Variants in TRIP12 observed in about 807,000 individuals in gnomAD.
TRIP12 encodes the protein E3 ubiquitin-protein ligase TRIP12.
TRIP12 carries 25 observed loss-of-function variants against 244.2 expected under a neutral mutation model. That is an observed-to-expected ratio of 0.10 (90% confidence interval 0.07 to 0.14). The LOEUF (loss-of-function observed/expected upper bound fraction) is 0.14, where lower values mean the gene tolerates loss of function less well. Ranked by LOEUF, TRIP12 falls within the 10% of genes least tolerant of loss-of-function variation. The pLI, the probability that TRIP12 is intolerant of heterozygous loss-of-function variation, is 1.00. For missense variants in TRIP12, 1,677 were observed against 2,486.4 expected, an observed-to-expected ratio of 0.67 and a Z score of 6.92; for synonymous variants, 905 against 873.1, an observed-to-expected ratio of 1.04 and a Z score of -0.64.
At chr2:229,780,424 T>G (rs1402894899) in intron 34 of TRIP12, among the ~76,000 whole-genome samples, 1 of 152,216 alleles carries the variant, frequency 6.6e-6, no homozygotes, top group Non-Finnish European at 1.5e-5. Context: ...TTGTATCCCA[T>G]TCTCACAGGA....
chr2:229,831,746 C>CA (rs1160004427), intron 6 of TRIP12, among the ~76,000 whole-genome samples: 5 of 151,650 alleles, frequency 3.3e-5, no homozygotes, highest in East Asian at 1.9e-4. Context: ...CCAACAATGA[C>CA]AAAAAAACAG....
chr2:229,850,351 G>T (rs976099129), intron 4 of TRIP12, among the ~76,000 whole-genome samples: 1 of 152,124 alleles, frequency 6.6e-6, no homozygotes, highest in Non-Finnish European at 1.5e-5. Flanking sequence ...TTTCAAAGCG[G>T]TCACATATTG....
intron 1 of TRIP12, among the ~76,000 whole-genome samples, chr2:229,883,491 T>C (rs1440416222): frequency 6.6e-6 from 1 of 152,234 alleles, no homozygotes; most frequent in Non-Finnish European, 1.5e-5. Context: ...GAAGATTCCA[T>C]CTTAACAGAT....
intron 1 of TRIP12, among the ~76,000 whole-genome samples, chr2:229,888,600 G>A (rs1282360127): frequency 2.0e-5 from 3 of 151,912 alleles, no homozygotes; most frequent in Non-Finnish European, 2.9e-5. Context: ...TTAGAAAATG[G>A]CGAGAGCAGC....
At chr2:229,777,121 T>C (rs1446269111) in intron 37 of TRIP12, among the ~76,000 whole-genome samples, 194 bp downstream of exon 37, 1 of 152,224 alleles carries the variant, frequency 6.6e-6, no homozygotes, top group African/African-American at 2.4e-5. Context: ...AATCAAGATG[T>C]TTATAGCCTG....
At chr2:229,907,163 G>A (rs1285944530) in intron 1 of TRIP12, among the ~76,000 whole-genome samples, 1 of 152,156 alleles carries the variant, frequency 6.6e-6, no homozygotes, top group African/African-American at 2.4e-5. Context: ...CACCAACTGT[G>A]AAAATAAGGC....
At chr2:229,815,452 C>T in intron 9 of TRIP12, 144 bp from the exon 10 acceptor site, 1 of 564,886 alleles carries the variant, frequency 1.8e-6, no homozygotes, top group Non-Finnish European at 3.1e-6. Flanking sequence ...AAGATAAAAC[C>T]TAGTAGGCGT....
chr2:229,796,753 T>C lies in TRIP12; in HGVS notation c.3654A>G (p.Glu1218=). 1 of 1,600,566 alleles carries C rather than the reference T, an allele frequency of 6.2e-7. No individual in the cohort carries two copies. Residue 1218 remains glutamate, a synonymous_variant, in exon 25 of 42, where the codon GAA becomes GAG. Transcript: ENST00000675903. The stretch of plus-strand genomic sequence containing the variant: ...CTGACTCTGAGACTATGCTACGGAT[T>C]TCTACAAGGCACTCAGCTCCACCAT... The part of the protein sequence containing the change: ...QVDGGAECLV[E]IRSIVSESDV...
chr2:229,839,059 T>C (rs514666), intron 5 of TRIP12, among the ~76,000 whole-genome samples: 71,343 of 152,176 alleles, frequency 0.47, 17,678 homozygotes, highest in East Asian at 0.68. Flanking sequence ...GCTACAGTCA[T>C]GTGCTGCATA....
chr2:229,838,855 C>A (rs1228483173), intron 5 of TRIP12, among the ~76,000 whole-genome samples: 1 of 152,112 alleles, frequency 6.6e-6, no homozygotes, highest in Non-Finnish European at 1.5e-5. Flanking sequence ...TTTAAGGTGG[C>A]AAAGCTATAT....
rs770542157 is a variant in TRIP12, at chr2:229,793,066, C to G, written c.4048G>C (p.Asp1350His). 2 of 1,613,912 alleles carry G rather than the reference C, an allele frequency of 1.2e-6. No individual in the cohort carries two copies. Among genetic ancestry groups the G allele is most frequent in the Non-Finnish European group, 8.5e-7 (1 of 1,179,912 alleles). ...TTCCACTGCTTCACATTTGCACAGT[C>G]TGGATGCCTTTGTAACTGGCATTTT... ...QLKCQLQRHP[D>H]CANVKQWKGG... Residue 1350 changes from aspartate (D) to histidine (H), a missense_variant, in exon 27 of 42, where the codon GAC becomes CAC. Physicochemically the swap from Asp to His is moderately conservative, Grantham distance 81 (BLOSUM62 -1). Around this residue, in one of 11 missense-constraint regions of TRIP12, gnomAD observed 265 missense variants for 370.8 expected, o/e 0.71. Coordinates refer to ENST00000675903, the MANE Select transcript of TRIP12 (RefSeq NM_001348323.3).
intron 4 of TRIP12, among the ~76,000 whole-genome samples, chr2:229,852,388 A>G (rs1416625193): frequency 6.6e-6 from 1 of 152,048 alleles, no homozygotes; most frequent in Non-Finnish European, 1.5e-5. Context: ...TAGCTTTTAT[A>G]AGAAGGTAGA....
At position 229,797,746 on chromosome 2, in the gene TRIP12, G is replaced by A. The variant is rs1427453488; in HGVS notation, c.3568C>T (p.Pro1190Ser). 6.2e-7 allele frequency: 1 copy of A among 1,613,934 alleles called. No homozygotes were observed. The highest frequency in any genetic ancestry group is 1.7e-5 in the Admixed American group (1 of 60,002). The change falls in exon 24 of 42, where the codon CCT (proline) becomes TCT (serine). Residue 1190 changes from proline (P) to serine (S), a missense_variant. Physicochemically the swap from Pro to Ser is moderately conservative, Grantham distance 74. This residue lies in a region of TRIP12 where 572 missense variants were observed against 867.8 expected (regional missense o/e 0.66). Transcript: ENST00000675903. ...FSSENMDGSN[P>S]ALNVLQRLCA... ...AGTCTCTGAAGGACATTCAATGCAG[G>A]GTTGCTTCCATCCATATTCTCAGAA...
chr2:229,890,545 A>C (rs1444372312), intron 1 of TRIP12, among the ~76,000 whole-genome samples: 1 of 152,222 alleles, frequency 6.6e-6, no homozygotes, highest in African/African-American at 2.4e-5. Flanking sequence ...TAGAGCTACA[A>C]CCTGGGGAAC....
intron 1 of TRIP12, among the ~76,000 whole-genome samples, chr2:229,908,054 A>G (rs1340339988): frequency 6.6e-6 from 1 of 152,100 alleles, no homozygotes; most frequent in Non-Finnish European, 1.5e-5. Flanking sequence ...CCACTTCACT[A>G]AACTTATCAT....
At chr2:229,838,684 A>G (rs746213226) in intron 5 of TRIP12, among the ~76,000 whole-genome samples, 1 of 152,222 alleles carries the variant, frequency 6.6e-6, no homozygotes, top group Non-Finnish European at 1.5e-5. Flanking sequence ...TTGAGTAATT[A>G]AGATTCAAAA....
rs2041643132 is a variant in TRIP12 at position 229,791,914 on chromosome 2, C to T, written c.4367G>A (p.Ser1456Asn). 1 of 1,614,104 alleles carries T rather than the reference C, an allele frequency of 6.2e-7. No individual in the cohort carries two copies. Among genetic ancestry groups the T allele is most frequent in the Non-Finnish European group, 8.5e-7 (1 of 1,179,986 alleles). ...EDERESTDDE[S>N]NPLGRAGIWT... The stretch of plus-strand genomic sequence containing the variant: ...AATACCAGCTCTGCCTAGAGGATTG[C>T]TCTCATCATCTGTGGATTCTCTTTC... Residue 1456 changes from serine to asparagine, a missense_variant, in exon 29 of 42, where the codon AGC (serine) becomes AAC (asparagine). Ser to Asn is a conservative substitution (Grantham distance 46). This residue lies in a region of TRIP12 where 265 missense variants were observed against 370.8 expected (regional missense o/e 0.71). Coordinates refer to ENST00000675903, the MANE Select transcript of TRIP12 (RefSeq NM_001348323.3).
intron 2 of TRIP12, among the ~76,000 whole-genome samples, chr2:229,862,104 T>C (rs982256880): frequency 3.3e-5 from 5 of 152,132 alleles, no homozygotes; most frequent in African/African-American, 1.2e-4. Context: ...TCGCCCAGGC[T>C]GGAGTGCAGC....
chr2:229,914,034 G>T (rs189451239), intron 1 of TRIP12, among the ~76,000 whole-genome samples: 5 of 151,956 alleles, frequency 3.3e-5, no homozygotes, highest in African/African-American at 1.2e-4. Flanking sequence ...TTGGGAAGCC[G>T]AGGTGGGTGG....
Sources: gnomAD v4.1 joint callset for allele counts (sites outside exome capture counted in the v4.1 genomes callset) on GRCh38, gnomAD v4.1.1 for gene constraint, gnomAD v4.1.1 regional missense constraint, MANE v1.5 for transcripts, NCBI Gene and HGNC (gene_info 2026-07-23, HGNC 2026-07-21) for gene names.